Variants in SUGCT observed in about 807,000 individuals in gnomAD.
The protein encoded by SUGCT is succinyl-CoA:glutarate-CoA transferase.
A neutral mutation model predicts 55.0 loss-of-function variants in SUGCT; 41 were observed. The ratio of observed to expected loss-of-function variants is 0.74; its 90% CI spans 0.58 to 0.97. SUGCT has a LOEUF of 0.97. Ranked by LOEUF, SUGCT falls within the 50% of genes least tolerant of loss-of-function variation. The probability of loss-of-function intolerance (pLI) is 0.00; values close to 1 mark genes in which losing one functional copy is unlikely to be tolerated. For missense variants in SUGCT, 568 were observed against 547.8 expected (o/e 1.04, Z -0.37); for synonymous variants, 187 against 200.4 (o/e 0.93, Z 0.56).
At chr7:40,523,290 G>A (rs1793645361) in intron 12 of SUGCT, among the ~76,000 whole-genome samples, 1 of 151,848 alleles carries the variant, frequency 6.6e-6, no homozygotes, top group Admixed American at 6.6e-5. Context: ...GATTTATGAA[G>A]CCAGACTATC....
the SUGCT span, among the ~76,000 whole-genome samples, chr7:41,027,541 T>G: frequency 6.6e-6 from 1 of 152,186 alleles, no homozygotes; most frequent in Non-Finnish European, 1.5e-5. Context: ...GTAAGAAGCA[T>G]GCCAGGAATG....
chr7:40,776,136 C>T (rs1005134016), intron 13 of SUGCT, among the ~76,000 whole-genome samples: 11 of 152,288 alleles, frequency 7.2e-5, no homozygotes, highest in African/African-American at 2.2e-4. Flanking sequence ...AGGGAATCCA[C>T]GTGTCTGAGA....
At chr7:40,975,323 G>A in the SUGCT span, among the ~76,000 whole-genome samples, 1 of 152,124 alleles carries the variant, frequency 6.6e-6, no homozygotes, top group Non-Finnish European at 1.5e-5. Context: ...ATCTCTATAT[G>A]TGGATGACTT....
chr7:40,810,568 A>G (rs1179343556), intron 13 of SUGCT, among the ~76,000 whole-genome samples: 1 of 152,068 alleles, frequency 6.6e-6, no homozygotes, highest in Non-Finnish European at 1.5e-5. Flanking sequence ...TGTCTTCAAC[A>G]GATGTGTCTG....
Position 40,364,555 on chromosome 7 carries a change from A to T in SUGCT, c.816+47700A>T, listed in dbSNP as rs182864353. On this transcript the variant is annotated intron_variant, in intron 9 of 13. Transcript: ENST00000335693. ...CATTTGCTTGTCTGTAAAGTATTTT[A>T]TTTCTCCTTCTCTTATGAAGCTTAG... is the stretch of plus-strand genomic sequence containing the variant. Among the ~76,000 whole-genome samples, 55 of 152,148 alleles carry T rather than the reference A, an allele frequency of 3.6e-4. No homozygotes were observed. The East Asian group carries it at 7.9e-3, about 22-fold the overall frequency.
chr7:40,158,127 G>A (rs1318982906), intron 1 of SUGCT, among the ~76,000 whole-genome samples: 1 of 151,966 alleles, frequency 6.6e-6, no homozygotes, highest in Non-Finnish European at 1.5e-5. Flanking sequence ...GATTGAACCC[G>A]GGAGGTGGAG....
chr7:40,409,531 A>G (rs866143303), intron 9 of SUGCT, among the ~76,000 whole-genome samples: 1 of 152,262 alleles, frequency 6.6e-6, no homozygotes, highest in Admixed American at 6.5e-5. Context: ...AAGTGCTGGG[A>G]TTACAGGTAT....
intron 12 of SUGCT, among the ~76,000 whole-genome samples, chr7:40,726,889 A>G (rs192438715): frequency 6.6e-5 from 10 of 152,358 alleles, no homozygotes; most frequent in African/African-American, 1.2e-4. Flanking sequence ...AAAGAATGAT[A>G]TATAAACAAA....
chr7:40,169,871 T>C (rs931700176), intron 1 of SUGCT, among the ~76,000 whole-genome samples: 11 of 152,166 alleles, frequency 7.2e-5, no homozygotes, highest in Admixed American at 6.6e-5. Context: ...TGAAGTTTTT[T>C]CCTAATGTCT....
At chr7:40,650,938 C>T (rs1364865515) in intron 12 of SUGCT, among the ~76,000 whole-genome samples, 1 of 152,136 alleles carries the variant, frequency 6.6e-6, no homozygotes, top group South Asian at 2.1e-4. Context: ...TCTCATTGCT[C>T]AGCTTCCACC....
At chr7:40,326,853 C>T (rs968052050) in intron 9 of SUGCT, among the ~76,000 whole-genome samples, 1 of 152,170 alleles carries the variant, frequency 6.6e-6, no homozygotes, top group African/African-American at 2.4e-5. Context: ...AAAATATATA[C>T]TCACCTTTGT....
the SUGCT span, among the ~76,000 whole-genome samples, chr7:40,971,677 G>A: frequency 6.6e-6 from 1 of 152,156 alleles, no homozygotes; most frequent in African/African-American, 2.4e-5. Flanking sequence ...TAGATTCTGA[G>A]ACTGATCTTC....
intron 1 of SUGCT, among the ~76,000 whole-genome samples, chr7:40,164,864 C>T (rs1317890475): frequency 2.6e-5 from 4 of 152,108 alleles, no homozygotes; most frequent in Non-Finnish European, 5.9e-5. Flanking sequence ...TTCCCATGAA[C>T]CTAGAAATTG....
chr7:40,257,535 A>G (rs541136623), intron 7 of SUGCT, among the ~76,000 whole-genome samples: 8 of 152,326 alleles, frequency 5.3e-5, no homozygotes, highest in African/African-American at 7.2e-5. Context: ...AGGAAAGACT[A>G]AAGTAAATGT....
the SUGCT span, among the ~76,000 whole-genome samples, chr7:40,935,694 C>T: frequency 4.6e-5 from 7 of 152,236 alleles, no homozygotes; most frequent in Admixed American, 3.3e-4. Context: ...ATGAATAATA[C>T]TGCTATTTGC....
rs185222438 is a variant in SUGCT, at chr7:40,809,001, C to T, written c.1154-51315C>T. Among the ~76,000 whole-genome samples the T allele has an allele frequency of 2.2e-3, 342 of 152,222 alleles. 1 individual carries two copies. Among genetic ancestry groups the T allele is most frequent in the Non-Finnish European group, 3.5e-3 (240 of 68,010 alleles). Reference sequence around the variant, plus strand: ...TCAAACATTTTATACTGTTGGGCCTCGGTTTTCTCATCTGGAAACTTGGGA... The same window carrying T: ...TCAAACATTTTATACTGTTGGGCCTTGGTTTTCTCATCTGGAAACTTGGGA... On this transcript the variant is annotated intron_variant, in intron 13 of 13. Coordinates refer to ENST00000335693, the MANE Select transcript of SUGCT (RefSeq NM_001193313.2).
At chr7:40,324,630 C>T (rs1795939235) in intron 9 of SUGCT, among the ~76,000 whole-genome samples, 1 of 152,120 alleles carries the variant, frequency 6.6e-6, no homozygotes, top group Non-Finnish European at 1.5e-5. Flanking sequence ...CAAATCCTAT[C>T]CTATTTCTAT....
intron 12 of SUGCT, among the ~76,000 whole-genome samples, chr7:40,708,003 T>G (rs1785510015): frequency 6.6e-6 from 1 of 152,202 alleles, no homozygotes; most frequent in Non-Finnish European, 1.5e-5. Context: ...AATCTTTCTT[T>G]GTGGTATTAT....
At chr7:40,849,335 T>C (rs73689870) in intron 13 of SUGCT, among the ~76,000 whole-genome samples, 19,268 of 152,198 alleles carry the variant, frequency 0.13, 1,315 homozygotes, top group Middle Eastern at 0.24. Flanking sequence ...TGGCCAGCTA[T>C]GTTAATTACT....
Sources: allele counts gnomAD v4.1 joint callset (sites outside exome capture counted in the v4.1 genomes callset), GRCh38; gene constraint gnomAD v4.1.1; transcripts MANE v1.5; gene names NCBI Gene and HGNC (gene_info 2026-07-23, HGNC 2026-07-21).